The following CTNNA2 variants were observed in gnomAD, a reference collection of about 807,000 sequenced individuals.
CTNNA2 encodes the protein catenin alpha 2, also known as catenin alpha-2.
Under a neutral mutation model 101.0 loss-of-function variants are expected in CTNNA2, and 42 were observed. The ratio of observed to expected loss-of-function variants is 0.42; its 90% CI spans 0.32 to 0.54. The LOEUF is 0.54. Among genes scored for constraint, CTNNA2 ranks in the 20% least tolerant of loss-of-function variants. The pLI is 0.14. For missense variants in CTNNA2, 871 were observed against 1,223.1 expected, an observed-to-expected ratio of 0.71 and a Z score of 4.29; for synonymous variants, 450 against 456.4, an observed-to-expected ratio of 0.99 and a Z score of 0.18.
intron 2 of CTNNA2, among the ~76,000 whole-genome samples, chr2:79,715,161 C>T (rs1685998405): frequency 7.6e-6 from 1 of 131,580 alleles, no homozygotes; most frequent in Admixed American, 8.7e-5. Context: ...GAGCGAAGAT[C>T]ATGCCATTGC....
chr2:79,900,355 T>G (rs565477816), intron 6 of CTNNA2, among the ~76,000 whole-genome samples: 37 of 152,310 alleles, frequency 2.4e-4, no homozygotes, highest in African/African-American at 8.7e-4. Context: ...CTGGACTTGT[T>G]TATGTTGTTT....
intron 4 of CTNNA2, among the ~76,000 whole-genome samples, chr2:79,454,590 A>T (rs115276564): frequency 0.012 from 1,824 of 152,280 alleles, 27 homozygotes; most frequent in African/African-American, 0.042. Flanking sequence ...TCAAAATATT[A>T]TCATGGTAAC....
intron 1 of CTNNA2, among the ~76,000 whole-genome samples, chr2:79,633,204 T>G (rs1679808258): frequency 6.6e-6 from 1 of 152,208 alleles, no homozygotes; most frequent in Non-Finnish European, 1.5e-5. Flanking sequence ...ATGATTATCA[T>G]AAGAGACATA....
chr2:79,747,253 G>A (rs1671708633), intron 3 of CTNNA2, among the ~76,000 whole-genome samples: 2 of 152,124 alleles, frequency 1.3e-5, no homozygotes, highest in African/African-American at 2.4e-5. Flanking sequence ...AAGTTTTCAG[G>A]TGCATTCGAA....
At chr2:80,295,292 G>A (rs1558977155) in intron 7 of CTNNA2, among the ~76,000 whole-genome samples, 2 of 151,500 alleles carry the variant, frequency 1.3e-5, no homozygotes, top group Admixed American at 6.6e-5. Context: ...TCTCATGTGC[G>A]GGTGAGTGTG....
intron 13 of CTNNA2, among the ~76,000 whole-genome samples, chr2:80,581,363 G>C (rs1045219049): frequency 1.3e-5 from 2 of 152,132 alleles, no homozygotes; most frequent in African/African-American, 4.8e-5. Context: ...AGAAGTATAG[G>C]TGTAAATTTT....
chr2:79,267,736 G>A (rs888253184), intron 2 of CTNNA2, among the ~76,000 whole-genome samples: 5 of 152,064 alleles, frequency 3.3e-5, no homozygotes, highest in Non-Finnish European at 7.4e-5. Context: ...CTGGTGGTGG[G>A]GACAGAATGT....
chr2:79,807,967 A>C (rs919693094), intron 3 of CTNNA2, among the ~76,000 whole-genome samples: 1 of 152,216 alleles, frequency 6.6e-6, no homozygotes, highest in Non-Finnish European at 1.5e-5. Context: ...AGATTTTTCA[A>C]GTAGCTGATT....
chr2:79,621,115 C>T (rs1678969789), intron 1 of CTNNA2, among the ~76,000 whole-genome samples: 1 of 152,066 alleles, frequency 6.6e-6, no homozygotes, highest in Non-Finnish European at 1.5e-5. Context: ...GTGGTGTCTC[C>T]CTGTGGGATG....
intron 7 of CTNNA2, among the ~76,000 whole-genome samples, chr2:80,224,194 A>T (rs1708737075): frequency 6.6e-6 from 1 of 152,210 alleles, no homozygotes; most frequent in Non-Finnish European, 1.5e-5. Context: ...ACTGCCAGCT[A>T]CCAAGGAGAC....
intron 18 of CTNNA2, among the ~76,000 whole-genome samples, chr2:80,645,121 A>G (rs925768367): frequency 2.0e-5 from 3 of 152,192 alleles, no homozygotes; most frequent in African/African-American, 7.2e-5. Flanking sequence ...CCCAAAGCAA[A>G]TCAATGAAAC....
chr2:79,811,216 C>T (rs1403299552), intron 3 of CTNNA2, among the ~76,000 whole-genome samples: 3 of 152,058 alleles, frequency 2.0e-5, no homozygotes, highest in African/African-American at 4.8e-5. Flanking sequence ...TAATGATCGC[C>T]ATTCTAACTG....
intron 15 of CTNNA2, among the ~76,000 whole-genome samples, chr2:80,596,301 TTTTTTTTTTTTTTTTTTTTTTTTTTTG>T (rs1696965826): frequency 6.3e-5 from 4 of 63,918 alleles, no homozygotes; most frequent in Admixed American, 1.7e-4. Context: ...TTTTTTTTTT[TTTTTTTTTTTTTTTTTTTTTTTTTTTG>T]AGACGGAGTC....
chr2:79,463,249 AATACAAAAATTAGCC>A (rs973284160), intron 4 of CTNNA2, among the ~76,000 whole-genome samples: 13 of 152,052 alleles, frequency 8.5e-5, no homozygotes, highest in Non-Finnish European at 1.5e-4. Flanking sequence ...CTGTCTCTAA[AATACAAAAATTAGCC>A]AGGTGTGATG....
intron 7 of CTNNA2, among the ~76,000 whole-genome samples, chr2:80,082,549 C>T (rs1003902493): frequency 6.6e-6 from 1 of 152,066 alleles, no homozygotes; most frequent in African/African-American, 2.4e-5. Flanking sequence ...CAGGCAGGTG[C>T]ATTTGGTCGG....
intron 7 of CTNNA2, among the ~76,000 whole-genome samples, chr2:80,073,878 T>C (rs1333630023): frequency 6.6e-6 from 1 of 152,200 alleles, no homozygotes; most frequent in East Asian, 1.9e-4. Flanking sequence ...TCTTTTTTAA[T>C]GGCTGCATAT....
intron 7 of CTNNA2, among the ~76,000 whole-genome samples, chr2:80,267,561 T>C (rs1326064970): frequency 6.6e-6 from 1 of 152,044 alleles, no homozygotes; most frequent in Non-Finnish European, 1.5e-5. Flanking sequence ...GGGAAACAGA[T>C]GGAATGAAAT....
intron 2 of CTNNA2, among the ~76,000 whole-genome samples, chr2:79,709,324 G>A (rs1376137842): frequency 6.6e-6 from 1 of 152,080 alleles, no homozygotes; most frequent in Non-Finnish European, 1.5e-5. Context: ...AAAAGAGACA[G>A]AGAGGGGAAG....
Position 80,622,242 on chromosome 2 carries a change from C to G in CTNNA2, c.2574+3014C>G, listed in dbSNP as rs545219726. Among the ~76,000 whole-genome samples, 4 of 151,952 alleles carry G rather than the reference C, an allele frequency of 2.6e-5. No individual in the cohort carries two copies. The East Asian group carries it at 7.8e-4, about 30-fold the overall frequency. On this transcript the variant is annotated intron_variant, in intron 18 of 18. Transcript: ENST00000402739. The stretch of plus-strand genomic sequence containing the variant: ...AGATATAATCAGGCAGGCATTTGGT[C>G]AGTTACACAAAACTCCACATGATCA...
Sources: gnomAD v4.1 joint callset for allele counts (sites outside exome capture counted in the v4.1 genomes callset) on GRCh38, gnomAD v4.1.1 for gene constraint, MANE v1.5 for transcripts, NCBI Gene and HGNC (gene_info 2026-07-23, HGNC 2026-07-21) for gene names.